ADAM32: variants seen among roughly 807,000 people sequenced by gnomAD.
ADAM32 encodes disintegrin and metalloproteinase domain-containing protein 32.
A neutral mutation model predicts 114.9 loss-of-function variants in ADAM32; 89 were observed. The observed-to-expected ratio is 0.77, with a 90% CI of 0.65 to 0.92. The LOEUF (loss-of-function observed/expected upper bound fraction) is 0.92, where lower values mean the gene tolerates loss of function less well. ADAM32 is among the 40% of genes least tolerant of loss of function. The pLI is 0.00. For missense variants in ADAM32, 870 were observed against 932.8 expected (o/e 0.93, Z 0.88); for synonymous variants, 285 against 307.5 (o/e 0.93, Z 0.77).
chr8:39,271,460 C>CAAA (rs33982521), intron 20 of ADAM32, among the ~76,000 whole-genome samples: 1,898 of 110,260 alleles, frequency 0.017, 17 homozygotes, highest in South Asian at 0.026. Flanking sequence ...CTTAACCTTA[C>CAAA]AAAAAAAAAA....
intron 12 of ADAM32, among the ~76,000 whole-genome samples, chr8:39,219,907 T>C (rs1000588242): frequency 6.6e-6 from 1 of 152,180 alleles, no homozygotes; most frequent in East Asian, 1.9e-4. Context: ...CTAAGAAAAA[T>C]GTATATGCTA....
At chr8:39,161,645 G>T (rs1201050305) in intron 7 of ADAM32, among the ~76,000 whole-genome samples, 1 of 152,050 alleles carries the variant, frequency 6.6e-6, no homozygotes, top group Non-Finnish European at 1.5e-5. Context: ...GCCTTTATTT[G>T]TGTATACCTA....
At chr8:39,185,711 G>C (rs1038517801) in intron 10 of ADAM32, among the ~76,000 whole-genome samples, 1 of 152,050 alleles carries the variant, frequency 6.6e-6, no homozygotes, top group Non-Finnish European at 1.5e-5. Context: ...TTCCAGTCCA[G>C]CCTTCTATTT....
chr8:39,136,974 G>A (rs1197462142), intron 3 of ADAM32, among the ~76,000 whole-genome samples: 1 of 152,158 alleles, frequency 6.6e-6, no homozygotes, highest in Non-Finnish European at 1.5e-5. Context: ...GGCAGGACCA[G>A]CAGGACCTAT....
At chr8:39,160,397 C>A (rs192579625) in intron 6 of ADAM32, among the ~76,000 whole-genome samples, 1 of 151,992 alleles carries the variant, frequency 6.6e-6, no homozygotes, top group Admixed American at 6.6e-5. Flanking sequence ...AAAATTAGCC[C>A]GGCGTGGTGG....
At chr8:39,119,237 A>C (rs1840500079) in intron 2 of ADAM32, among the ~76,000 whole-genome samples, 1 of 152,184 alleles carries the variant, frequency 6.6e-6, no homozygotes, top group Non-Finnish European at 1.5e-5. Context: ...CTTAGGAGTG[A>C]AATTGCTGGG....
chr8:39,228,067 C>G (rs1809507926), intron 14 of ADAM32, among the ~76,000 whole-genome samples: 1 of 152,132 alleles, frequency 6.6e-6, no homozygotes, highest in African/African-American at 2.4e-5. Context: ...TGGCTAGACC[C>G]AGAAGAGAGA....
intron 3 of ADAM32, among the ~76,000 whole-genome samples, chr8:39,144,459 G>A (rs773658721): frequency 2.6e-5 from 4 of 152,222 alleles, no homozygotes; most frequent in Non-Finnish European, 5.9e-5. Context: ...AGGGTAGAGG[G>A]AGGATGAGAA....
chr8:39,172,323 A>G (rs1805252102), intron 10 of ADAM32, among the ~76,000 whole-genome samples: 1 of 152,118 alleles, frequency 6.6e-6, no homozygotes, highest in East Asian at 1.9e-4. Context: ...CAATGAAAGC[A>G]CTTTTTTTCT....
chr8:39,230,149 G>T (rs1292647716), intron 14 of ADAM32, among the ~76,000 whole-genome samples: 4 of 152,034 alleles, frequency 2.6e-5, no homozygotes, highest in Non-Finnish European at 5.9e-5. Flanking sequence ...AGGGTACTGG[G>T]GATCTAATTA....
intron 19 of ADAM32, among the ~76,000 whole-genome samples, chr8:39,270,564 A>G (rs1812647942): frequency 6.6e-6 from 1 of 152,232 alleles, no homozygotes. Flanking sequence ...TGGATTATGA[A>G]GGTCAGAATC....
chr8:39,121,536 A>C (rs901179612), intron 2 of ADAM32, among the ~76,000 whole-genome samples: 2 of 152,126 alleles, frequency 1.3e-5, no homozygotes, highest in Non-Finnish European at 2.9e-5. Flanking sequence ...CCACCATGGC[A>C]CGTGCATACC....
intron 11 of ADAM32, among the ~76,000 whole-genome samples, chr8:39,196,395 G>A (rs1350185438): frequency 6.6e-6 from 1 of 152,080 alleles, no homozygotes; most frequent in Non-Finnish European, 1.5e-5. Flanking sequence ...GGTGAAAGTG[G>A]TATTCTTGTC....
chr8:39,155,250 T>A (rs1015844940), intron 6 of ADAM32, among the ~76,000 whole-genome samples: 1 of 152,162 alleles, frequency 6.6e-6, no homozygotes, highest in Non-Finnish European at 1.5e-5. Context: ...GAGAAAGAAA[T>A]AAAGGATATT....
At chr8:39,186,552 G>A (rs1011150545) in intron 10 of ADAM32, among the ~76,000 whole-genome samples, 35 of 152,178 alleles carry the variant, frequency 2.3e-4, no homozygotes, top group Non-Finnish European at 2.4e-4. Context: ...TATCCAAAAT[G>A]AGTATTAGAG....
rs552683265 is a variant in ADAM32 at position 39,122,300 on chromosome 8, A to G, written c.138+4135A>G. Reference sequence around the variant, plus strand: ...CGCCAAATCCATATGTTGAAAACCAAACTCCCAGTATGGAGATAGGACCTT... The same window carrying G: ...CGCCAAATCCATATGTTGAAAACCAGACTCCCAGTATGGAGATAGGACCTT... On this transcript the variant is annotated intron_variant, in intron 2 of 24. Coordinates refer to ENST00000379907, the MANE Select transcript of ADAM32 (RefSeq NM_145004.7). Among the ~76,000 whole-genome samples, 5 of 152,296 alleles carry G rather than the reference A, an allele frequency of 3.3e-5. No homozygotes were observed. In the South Asian group the frequency reaches 8.3e-4, roughly 25 times the overall value.
At chr8:39,262,355 G>A (rs1351289519) in intron 19 of ADAM32, among the ~76,000 whole-genome samples, 1 of 152,114 alleles carries the variant, frequency 6.6e-6, no homozygotes, top group Non-Finnish European at 1.5e-5. Flanking sequence ...TCAATTGGCT[G>A]TAGATATGTG....
At chr8:39,247,812 T>A (rs1453576528) in intron 17 of ADAM32, among the ~76,000 whole-genome samples, 5 of 150,698 alleles carry the variant, frequency 3.3e-5, no homozygotes, top group Non-Finnish European at 7.4e-5. Context: ...CTTCTAGGAG[T>A]TTTTTAGCTT....
chr8:39,110,368 G>A (rs1169229417), intron 1 of ADAM32, among the ~76,000 whole-genome samples: 7 of 152,172 alleles, frequency 4.6e-5, no homozygotes, highest in Non-Finnish European at 8.8e-5. Context: ...GCTGCACCCG[G>A]CCGCTTTTTT....
Sources: allele counts gnomAD v4.1 joint callset (sites outside exome capture counted in the v4.1 genomes callset), GRCh38; gene constraint gnomAD v4.1.1; transcripts MANE v1.5; gene names NCBI Gene and HGNC (gene_info 2026-07-23, HGNC 2026-07-21).